Variants in KAT6A observed in about 807,000 individuals in gnomAD.
The protein encoded by KAT6A is lysine acetyltransferase 6A.
A neutral mutation model predicts 198.4 loss-of-function variants in KAT6A; 9 were observed. The observed-to-expected ratio is 0.05, with a 90% CI of 0.03 to 0.08. The LOEUF is 0.08. KAT6A is among the 10% of genes least tolerant of loss of function. KAT6A has a pLI of 1.00. For synonymous variants in KAT6A, 890 were observed against 883.0 expected (o/e 1.01, Z -0.14); for missense variants, 2,077 against 2,509.9 (o/e 0.83, Z 3.69).
intron 8 of KAT6A, among the ~76,000 whole-genome samples, chr8:41,969,943 G>A (rs1036127733): frequency 6.6e-6 from 1 of 152,164 alleles, no homozygotes; most frequent in African/African-American, 2.4e-5. Context: ...TTGGAACTAT[G>A]TATAAATTGT....
intron 2 of KAT6A, among the ~76,000 whole-genome samples, chr8:42,000,359 T>A (rs1564055632): frequency 1.3e-5 from 2 of 152,148 alleles, no homozygotes; most frequent in Non-Finnish European, 2.9e-5. Flanking sequence ...GAGACCTGCC[T>A]GGCCAACCTG....
At chr8:41,975,710 T>C (rs999304914) in intron 7 of KAT6A, among the ~76,000 whole-genome samples, 2 of 152,184 alleles carry the variant, frequency 1.3e-5, no homozygotes, top group African/African-American at 4.8e-5. Context: ...ACTTAAACTT[T>C]ATAATTCATA....
intron 13 of KAT6A, 105 bp from the exon 14 acceptor site, chr8:41,943,105 G>A: frequency 7.1e-7 from 1 of 1,405,810 alleles, no homozygotes. Context: ...GATAGGTGCT[G>A]CAAAGATAGC....
chr8:42,030,552 T>C (rs192573989), intron 2 of KAT6A, among the ~76,000 whole-genome samples: 2 of 152,090 alleles, frequency 1.3e-5, no homozygotes, highest in African/African-American at 4.8e-5. Flanking sequence ...TCCATTAAAA[T>C]TTTATTTTAT....
chr8:42,020,890 G>GA (rs939586079), intron 2 of KAT6A, among the ~76,000 whole-genome samples: 1 of 152,102 alleles, frequency 6.6e-6, no homozygotes, highest in African/African-American at 2.4e-5. Context: ...TTTGCATGGG[G>GA]AAAAAACAGC....
At chr8:42,018,599 A>G (rs1441925494) in intron 2 of KAT6A, among the ~76,000 whole-genome samples, 1 of 152,212 alleles carries the variant, frequency 6.6e-6, no homozygotes, top group Non-Finnish European at 1.5e-5. Context: ...CCAGAAAATT[A>G]TATGTATCAA....
chr8:42,048,295 T>C (rs1802416912), intron 2 of KAT6A, 83 bp downstream of exon 2: 3 of 1,496,664 alleles, frequency 2.0e-6, no homozygotes, highest in Non-Finnish European at 2.7e-6. Context: ...AACAAAAAAC[T>C]TGAATATAAC....
intron 8 of KAT6A, among the ~76,000 whole-genome samples, chr8:41,970,832 GA>G (rs1349925126): frequency 6.6e-6 from 1 of 152,174 alleles, no homozygotes; most frequent in African/African-American, 2.4e-5. Flanking sequence ...CAAATGTCCA[GA>G]AATGATAGAC....
At chr8:41,972,428 T>C (rs1162308465) in intron 8 of KAT6A, among the ~76,000 whole-genome samples, 1 of 152,170 alleles carries the variant, frequency 6.6e-6, no homozygotes, top group African/African-American at 2.4e-5. Context: ...AAAGCAATGT[T>C]AGAGAAGAAA....
intron 15 of KAT6A, among the ~76,000 whole-genome samples, chr8:41,938,685 A>G (rs1193474894): frequency 6.6e-6 from 1 of 152,084 alleles, no homozygotes; most frequent in Non-Finnish European, 1.5e-5. Context: ...GGTGGCTCAC[A>G]CCTGTAATCC....
chr8:42,042,363 C>T lies in KAT6A; in HGVS notation c.600+6015G>A, dbSNP rs933943533. ...TCCCAGCTTACTCGGGAGGCTGAGG[C>T]AGGAGAATCGCTTGAACCCAGGAGG... is the stretch of plus-strand genomic sequence containing the variant. On this transcript the variant is annotated intron_variant, in intron 2 of 16. Coordinates refer to ENST00000265713, the MANE Select transcript of KAT6A (RefSeq NM_006766.5). 3.3e-5 allele frequency among the ~76,000 whole-genome samples: 5 copies of T among 151,514 alleles called. No individual in the cohort carries two copies. In the East Asian group the frequency reaches 7.8e-4, roughly 24 times the overall value.
intron 8 of KAT6A, among the ~76,000 whole-genome samples, chr8:41,971,226 TAAA>T (rs60126106): frequency 3.0e-5 from 4 of 134,306 alleles, no homozygotes; most frequent in Non-Finnish European, 1.6e-5. Context: ...AGGTATAATT[TAAA>T]AAAAAAAAAA....
rs762786943 is a variant in KAT6A at position 41,958,788 on chromosome 8, T to C, written c.1483-3377A>G. 8.5e-5 allele frequency among the ~76,000 whole-genome samples: 13 copies of C among 152,320 alleles called. No homozygotes were observed. In the Middle Eastern group the frequency reaches 0.014, roughly 159 times the overall value. On this transcript the variant is annotated intron_variant, in intron 8 of 16. Transcript: ENST00000265713. ...CACATTAACTGGCATAAGTAAGGAA[T>C]ACAAATAGTCTCACATCAGCTCAGA... is the stretch of plus-strand genomic sequence containing the variant.
Position 41,988,021 on chromosome 8 carries a change from C to T in KAT6A, c.601-458G>A, listed in dbSNP as rs11990622. Reference sequence around the variant, plus strand: ...AAACAGTAAGTGTTTTCTAGCAGTACGAAAAAGAAATTCCAACTGTGGTGT... The same window carrying T: ...AAACAGTAAGTGTTTTCTAGCAGTATGAAAAAGAAATTCCAACTGTGGTGT... On this transcript the variant is annotated intron_variant, in intron 2 of 16. Transcript: ENST00000265713. Among the ~76,000 whole-genome samples the T allele has an allele frequency of 6.3e-3, 951 of 151,926 alleles. 13 individuals carry two copies. The highest frequency in any genetic ancestry group is 0.02 in the African/African-American group (828 of 41,416).
intron 2 of KAT6A, among the ~76,000 whole-genome samples, chr8:41,996,972 T>C (rs1825244981): frequency 6.6e-6 from 1 of 152,000 alleles, no homozygotes; most frequent in Non-Finnish European, 1.5e-5. Context: ...GTACCTAGAA[T>C]AGACAAATTC....
At chr8:41,972,467 C>T (rs530629032) in intron 8 of KAT6A, among the ~76,000 whole-genome samples, 1 of 152,298 alleles carries the variant, frequency 6.6e-6, no homozygotes, top group Admixed American at 6.5e-5. Flanking sequence ...CAGGTGGTCA[C>T]TGTTAGCAGC....
intron 8 of KAT6A, 142 bp from the exon 9 acceptor site, chr8:41,955,553 T>C: frequency 1.7e-6 from 1 of 586,484 alleles, no homozygotes; most frequent in East Asian, 3.1e-5. Context: ...CTAACATATT[T>C]TGAAATAAGT....
At chr8:41,956,915 C>CT (rs1320536689) in intron 8 of KAT6A, 1 of 406,906 alleles carries the variant, frequency 2.5e-6, no homozygotes, top group East Asian at 5.1e-5. Flanking sequence ...AAAGTACTAT[C>CT]TTTTCATCTA....
chr8:41,941,425 T>C lies in KAT6A; in HGVS notation c.2456A>G (p.His819Arg). The C allele has an allele frequency of 6.3e-7, 1 of 1,597,290 alleles. No individual in the cohort carries two copies. Among genetic ancestry groups the C allele is most frequent in the Non-Finnish European group, 8.5e-7 (1 of 1,175,872 alleles). ...LEISVGKSVS[H>R]ENKEQDSYSV... ...ATAAGAATCTTGTTCTTTGTTCTCA[T>C]GAGACACAGACTTTCCCACCTGATT... Residue 819 changes from histidine to arginine, a missense_variant, in exon 15 of 17, where the codon CAT (histidine) becomes CGT (arginine). His to Arg is a conservative substitution (Grantham distance 29, BLOSUM62 0). This residue lies in a region of KAT6A where 301 missense variants were observed against 272.2 expected (regional missense o/e 1.11). Transcript: ENST00000265713.
Sources: gnomAD v4.1 joint callset for allele counts (sites outside exome capture counted in the v4.1 genomes callset) on GRCh38, gnomAD v4.1.1 for gene constraint, gnomAD v4.1.1 regional missense constraint, MANE v1.5 for transcripts, NCBI Gene and HGNC (gene_info 2026-07-23, HGNC 2026-07-21) for gene names.